The following AKT3 variants were observed in gnomAD, a reference collection of about 807,000 sequenced individuals.
AKT3 encodes RAC-gamma serine/threonine-protein kinase.
In AKT3, 15 loss-of-function variants were observed where a neutral mutation model predicts 65.3. That is an observed-to-expected ratio of 0.23 (90% CI 0.15 to 0.35). The LOEUF (loss-of-function observed/expected upper bound fraction) is 0.35, where lower values mean the gene tolerates loss of function less well. Ranked by LOEUF, AKT3 falls within the 10% of genes least tolerant of loss-of-function variation. The pLI is 1.00. For synonymous variants in AKT3, 206 were observed against 183.8 expected (o/e 1.12, Z -0.98); for missense variants, 243 against 576.5 (o/e 0.42, Z 5.92).
chr1:243,497,346 G>GGT (rs1668235163), downstream of AKT3, among the ~76,000 whole-genome samples: 1 of 139,116 alleles, frequency 7.2e-6, no homozygotes, highest in Non-Finnish European at 1.6e-5. Flanking sequence ...GTGGGGGGGG[G>GGT]GGCGTTGAGC....
At chr1:243,799,988 CCTTT>C (rs1692279989) in intron 2 of AKT3, among the ~76,000 whole-genome samples, 1 of 151,700 alleles carries the variant, frequency 6.6e-6, no homozygotes, top group African/African-American at 2.4e-5. Flanking sequence ...ACTTAAAGTT[CCTTT>C]TTTTTTAGCT....
chr1:243,657,458 C>T lies in AKT3; in HGVS notation c.284+7314G>A, dbSNP rs1164525627. On this transcript the variant is annotated intron_variant, in intron 4 of 13. Transcript: ENST00000673466. ...TAACCAAGAAGGTGAAAGATTTGTACACTGAAAACTACAAAACATTGCTGA... is the reference window on the plus strand; with the variant it reads ...TAACCAAGAAGGTGAAAGATTTGTATACTGAAAACTACAAAACATTGCTGA... 4.6e-5 allele frequency among the ~76,000 whole-genome samples: 7 copies of T among 152,072 alleles called. No homozygotes were observed. The East Asian group carries it at 1.3e-3, about 29-fold the overall frequency.
At chr1:243,601,110 T>C (rs990171021) in intron 8 of AKT3, among the ~76,000 whole-genome samples, 2 of 152,082 alleles carry the variant, frequency 1.3e-5, no homozygotes, top group African/African-American at 4.8e-5. Context: ...CTGATTACAA[T>C]AGATTACAAC....
intron 3 of AKT3, among the ~76,000 whole-genome samples, chr1:243,674,156 A>G (rs1683343697): frequency 1.3e-5 from 2 of 152,228 alleles, no homozygotes; most frequent in Non-Finnish European, 2.9e-5. Context: ...AAAAATACCT[A>G]AAAGATAATC....
At chr1:243,628,411 ATC>A (rs1166771897) in intron 6 of AKT3, among the ~76,000 whole-genome samples, 1 of 152,044 alleles carries the variant, frequency 6.6e-6, no homozygotes, top group Non-Finnish European at 1.5e-5. Flanking sequence ...GCAATCCCGC[ATC>A]TCAGCCAAAT....
intron 6 of AKT3, among the ~76,000 whole-genome samples, chr1:243,630,644 G>A (rs1055164601): frequency 6.6e-6 from 1 of 151,830 alleles, no homozygotes; most frequent in Non-Finnish European, 1.5e-5. Flanking sequence ...CCTGTCTCTG[G>A]CCTCCAATTC....
At chr1:243,712,549 A>G (rs1184622848) in intron 2 of AKT3, among the ~76,000 whole-genome samples, 1 of 151,210 alleles carries the variant, frequency 6.6e-6, no homozygotes, top group South Asian at 2.1e-4. Context: ...CTCCACACAT[A>G]TTTTTTTTTG....
chr1:243,582,283 G>T (rs1279407367), intron 8 of AKT3, among the ~76,000 whole-genome samples: 1 of 151,316 alleles, frequency 6.6e-6, no homozygotes, highest in African/African-American at 2.4e-5. Flanking sequence ...CATCACTAAG[G>T]ATATTATCAC....
intron 1 of AKT3, 52 bp from the exon 2 acceptor site, chr1:243,843,334 G>A (rs1695361124): frequency 7.4e-7 from 1 of 1,348,334 alleles, no homozygotes; most frequent in African/African-American, 1.5e-5. Context: ...GCAACTCACA[G>A]AGCAATAACA....
At chr1:243,829,503 A>G (rs1350500549) in intron 2 of AKT3, among the ~76,000 whole-genome samples, 2 of 152,202 alleles carry the variant, frequency 1.3e-5, no homozygotes, top group Non-Finnish European at 2.9e-5. Flanking sequence ...AGATTAATCA[A>G]ATAAAGGTAT....
At chr1:243,515,549 T>A (rs970840983) in intron 12 of AKT3, among the ~76,000 whole-genome samples, 4 of 152,236 alleles carry the variant, frequency 2.6e-5, no homozygotes, top group Non-Finnish European at 4.4e-5. Flanking sequence ...TGATTGGTTT[T>A]GAATGTTAAA....
intron 3 of AKT3, among the ~76,000 whole-genome samples, chr1:243,681,091 T>G (rs2147974854): frequency 6.6e-6 from 1 of 152,250 alleles, no homozygotes; most frequent in African/African-American, 2.4e-5. Flanking sequence ...AAGCTGCAGG[T>G]TTATCTCCCA....
rs370156623 is a variant in AKT3 at position 243,771,862 on chromosome 1, C to G, written c.46+71263G>C. On this transcript the variant is annotated intron_variant, in intron 2 of 13. Coordinates refer to ENST00000673466, the MANE Select transcript of AKT3 (RefSeq NM_005465.7). Reference sequence around the variant, plus strand: ...AGAGATACAGACCAATGGAACAGAACAGAGCCCTCAGAAATAATACCACAC... The same window carrying G: ...AGAGATACAGACCAATGGAACAGAAGAGAGCCCTCAGAAATAATACCACAC... 2.6e-5 allele frequency among the ~76,000 whole-genome samples: 4 copies of G among 152,134 alleles called. No individual in the cohort carries two copies. In the East Asian group the frequency reaches 7.7e-4, roughly 29 times the overall value.
At chr1:243,549,731 A>T (rs190718447) in intron 11 of AKT3, among the ~76,000 whole-genome samples, 128 of 151,954 alleles carry the variant, frequency 8.4e-4, no homozygotes, top group African/African-American at 3.0e-3. Flanking sequence ...GGCCCCATAA[A>T]CACTTTTAAC....
chr1:243,518,910 A>G (rs1670534450), intron 12 of AKT3, among the ~76,000 whole-genome samples: 1 of 152,214 alleles, frequency 6.6e-6, no homozygotes, highest in Non-Finnish European at 1.5e-5. Flanking sequence ...CCCCTGTAAG[A>G]GCAACATGAA....
Position 243,694,924 on chromosome 1 carries a change from A to C in AKT3, c.172+667T>G, listed in dbSNP as rs535009684. Among the ~76,000 whole-genome samples, 5 of 152,114 alleles carry C rather than the reference A, an allele frequency of 3.3e-5. No individual in the cohort carries two copies. The East Asian group carries it at 7.7e-4, about 23-fold the overall frequency. ...GGCAAGTTTAACTTAGCGTAATTTA[A>C]AACACTTTACTTCTAAATTAACACA... On this transcript the variant is annotated intron_variant, in intron 3 of 13. Transcript: ENST00000673466.
chr1:243,587,794 T>G (rs1675916455), intron 8 of AKT3, among the ~76,000 whole-genome samples: 1 of 152,222 alleles, frequency 6.6e-6, no homozygotes, highest in South Asian at 2.1e-4. Flanking sequence ...TTTAGTATTT[T>G]AAATTTCAAA....
chr1:243,529,506 G>T (rs1671380399), intron 12 of AKT3, among the ~76,000 whole-genome samples: 1 of 152,082 alleles, frequency 6.6e-6, no homozygotes, highest in South Asian at 2.1e-4. Flanking sequence ...CACCTTCTCT[G>T]CATATGGCTA....
At chr1:243,617,235 T>C (rs572616260) in intron 6 of AKT3, among the ~76,000 whole-genome samples, 6 of 129,432 alleles carry the variant, frequency 4.6e-5, no homozygotes, top group African/African-American at 1.5e-4. Context: ...ACTGAACAAA[T>C]AGACAAAATT....
Sources: allele counts gnomAD v4.1 joint callset (sites outside exome capture counted in the v4.1 genomes callset), GRCh38; gene constraint gnomAD v4.1.1; transcripts MANE v1.5; gene names NCBI Gene and HGNC (gene_info 2026-07-23, HGNC 2026-07-21).